GYS1: variants seen among roughly 807,000 people sequenced by gnomAD.
GYS1 encodes glycogen synthase 1.
GYS1 carries 60 observed loss-of-function variants against 89.1 expected under a neutral mutation model. The observed-to-expected ratio is 0.67, with a 90% confidence interval of 0.55 to 0.84. The LOEUF is 0.84. Among genes scored for constraint, GYS1 ranks in the 40% least tolerant of loss-of-function variants. GYS1 has a pLI of 0.00. For missense variants in GYS1, 888 were observed against 1,003.1 expected, an observed-to-expected ratio of 0.89 and a Z score of 1.55; for synonymous variants, 366 against 401.7, an observed-to-expected ratio of 0.91 and a Z score of 1.06.
At position 48,985,512 on chromosome 19, in the gene GYS1, C is replaced by T; in HGVS notation, c.772G>A (p.Val258Met). ...AAHCAHVFTTVSQITAIEAQH... is the reference protein window; with the variant it reads ...AAHCAHVFTTMSQITAIEAQH... ...GCCTCGATGGCGGTGATCTGGGACA[C>T]AGTAGTGAAGACGTGAGCGCAGTGG... The change falls in exon 5 of 16, where the codon GTG (valine) becomes ATG (methionine). Residue 258 changes from valine (V) to methionine (M), a missense_variant. Transcript: ENST00000323798. 6.2e-7 allele frequency: 1 copy of T among 1,614,154 alleles called. No individual in the cohort carries two copies. Among genetic ancestry groups the T allele is most frequent in the Non-Finnish European group, 8.5e-7 (1 of 1,180,042 alleles).
At chr19:48,981,318 C>G in intron 8 of GYS1, 1 of 558,896 alleles carries the variant, frequency 1.8e-6, no homozygotes. Context: ...GAGGCTGAGG[C>G]AGATGACTTG....
At chr19:48,974,002 G>A (rs2038605637) in intron 12 of GYS1, among the ~76,000 whole-genome samples, 1 of 152,170 alleles carries the variant, frequency 6.6e-6, no homozygotes, top group Non-Finnish European at 1.5e-5. Flanking sequence ...GTGACATCCA[G>A]TTCACTAGTC....
chr19:48,971,875 TTC>T (rs1280442515), intron 12 of GYS1, among the ~76,000 whole-genome samples: 1 of 150,508 alleles, frequency 6.6e-6, no homozygotes, highest in Non-Finnish European at 1.5e-5. Context: ...TTTTTTTTTT[TTC>T]TCGAGACAAG....
chr19:48,986,150 A>G (rs781447254), intron 3 of GYS1, 115 bp from the exon 4 acceptor site: 10 of 922,726 alleles, frequency 1.1e-5, no homozygotes, highest in Non-Finnish European at 1.5e-5. Context: ...TACTGCACAG[A>G]GTGGGCAGCG....
rs556212350 is a variant in GYS1, at chr19:48,981,703, C to G, written c.1063-67G>C. The G allele has an allele frequency of 5.1e-6, 5 of 973,208 alleles. No individual in the cohort carries two copies. The South Asian group carries it at 6.5e-5, about 13-fold the overall frequency. 60.3% of individuals were successfully genotyped at this position (973,208 alleles called of 1,614,324 possible). ...GGAAGCCTGGAACCAGCCAGCCTTT[C>G]TGTCAAGACCACTGGGATCCTGCCA... On this transcript the variant is annotated intron_variant, in intron 7 of 15. Coordinates refer to ENST00000323798, the MANE Select transcript of GYS1 (RefSeq NM_002103.5).
chr19:48,974,087 T>C, intron 12 of GYS1, 126 bp downstream of exon 12: 2 of 980,830 alleles, frequency 2.0e-6, no homozygotes. Context: ...GCAGAACAGG[T>C]GATTACCATT....
In GYS1 at chr19:48,969,099, T is replaced by G; in HGVS notation, c.*189A>C. On this transcript the variant is annotated 3_prime_UTR_variant, in exon 16 of 16. Coordinates refer to ENST00000323798, the MANE Select transcript of GYS1 (RefSeq NM_002103.5). ...TCTGGAGCCAGAGAAAGGCACGGCTTTGTGGATTCTGGAGTGCAGGAACTT... is the reference window on the plus strand; with the variant it reads ...TCTGGAGCCAGAGAAAGGCACGGCTGTGTGGATTCTGGAGTGCAGGAACTT... The G allele has an allele frequency of 3.1e-6, 2 of 635,314 alleles. No homozygotes were observed. The highest frequency in any genetic ancestry group is 2.8e-6 in the Non-Finnish European group (1 of 360,346). The allele number at this position is 635,314 out of a possible 1,614,324, so 39.4% of individuals were successfully genotyped here. A position where few individuals can be genotyped will look rare whatever the true frequency, so the allele number is the denominator to read the frequency against.
intron 10 of GYS1, among the ~76,000 whole-genome samples, chr19:48,975,757 C>G (rs1176956672): frequency 6.6e-6 from 1 of 151,664 alleles, no homozygotes; most frequent in African/African-American, 2.4e-5. Flanking sequence ...GAAACCCCGT[C>G]TCTACTAAAA....
At chr19:48,987,486 C>CTTAAG in intron 2 of GYS1, 101 bp from the exon 3 acceptor site, 1 of 863,702 alleles carries the variant, frequency 1.2e-6, no homozygotes, top group East Asian at 2.7e-5. Context: ...TGTCTATAGA[C>CTTAAG]TTAAGCCTCA....
intron 12 of GYS1, among the ~76,000 whole-genome samples, chr19:48,972,682 T>C (rs1418160193): frequency 2.0e-5 from 3 of 152,114 alleles, no homozygotes; most frequent in Non-Finnish European, 4.4e-5. Flanking sequence ...TTTCACCATG[T>C]TGGCCAGGCT....
chr19:48,993,161 G>A lies in GYS1; in HGVS notation c.-49C>T. ...CGGGGATCTCCAGGTAGGGACCCCG[G>A]AGGTGTCTAGGGAATGCACCAGGTA... On this transcript the variant is annotated 5_prime_UTR_variant, in exon 1 of 16. Coordinates refer to ENST00000323798, the MANE Select transcript of GYS1 (RefSeq NM_002103.5). 3 of 1,051,888 alleles carry A rather than the reference G, an allele frequency of 2.9e-6. No individual in the cohort carries two copies. The highest frequency in any genetic ancestry group is 4.5e-6 in the Non-Finnish European group (3 of 668,512). The allele number at this position is 1,051,888 out of a possible 1,614,324, so 65.2% of individuals were successfully genotyped here.
At chr19:48,979,899 G>A (rs1050638146) in intron 8 of GYS1, among the ~76,000 whole-genome samples, 17 of 147,964 alleles carry the variant, frequency 1.1e-4, no homozygotes, top group African/African-American at 3.8e-4. Context: ...CACCCGCCTC[G>A]GCCTCCCAAA....
At chr19:48,974,797 GA>G in intron 10 of GYS1, 64 bp from the exon 11 acceptor site, 5 of 1,148,764 alleles carry the variant, frequency 4.4e-6, no homozygotes, top group Non-Finnish European at 6.6e-6. Context: ...ACTTCCTCAT[GA>G]GCCATGCGGA....
chr19:48,974,489 C>A, intron 11 of GYS1, 131 bp downstream of exon 11: 1 of 1,066,344 alleles, frequency 9.4e-7, no homozygotes. Flanking sequence ...CTGCCTGCCT[C>A]AGAAGCCAGG....
At chr19:48,978,619 C>T (rs2038699388) in intron 8 of GYS1, among the ~76,000 whole-genome samples, 1 of 151,546 alleles carries the variant, frequency 6.6e-6, no homozygotes, top group Non-Finnish European at 1.5e-5. Flanking sequence ...GCAACCTCTG[C>T]CTCTCAGGTT....
At position 48,985,498 on chromosome 19, in the gene GYS1, G is replaced by A. The variant is rs752946661; in HGVS notation, c.786C>T (p.Thr262=). ...AHVFTTVSQI[T]AIEAQHLLKR... is the part of the protein sequence containing the mutation. ...TGAGCAAGTGCTGTGCCTCGATGGC[G>A]GTGATCTGGGACACAGTAGTGAAGA... Residue 262 remains threonine (T), a synonymous_variant, in exon 5 of 16, where the codon ACC becomes ACT. Transcript: ENST00000323798. 1.2e-4 allele frequency: 197 copies of A among 1,613,940 alleles called. 1 individual carries two copies. The highest frequency in any genetic ancestry group is 2.7e-4 in the South Asian group (25 of 91,090).
rs202167827 is a variant in GYS1, at chr19:48,985,600, G to A, written c.684C>T (p.Asn228=). 7.4e-5 allele frequency: 120 copies of A among 1,614,058 alleles called. No individual in the cohort carries two copies. The highest frequency in any genetic ancestry group is 3.6e-4 in the African/African-American group (27 of 75,044). ...VDFYNNLENF[N]VDKEAGERQI... ...GCCTCTCCCCTGCTTCCTTGTCCAC[G>A]TTGAACTGGGTGGGAGGGGACAGCA... Residue 228 remains asparagine (N), a synonymous_variant, in exon 5 of 16, where the codon AAC becomes AAT. Coordinates refer to ENST00000323798, the MANE Select transcript of GYS1 (RefSeq NM_002103.5).
chr19:48,984,405 T>TC (rs1555799437), intron 5 of GYS1, among the ~76,000 whole-genome samples: 3 of 150,924 alleles, frequency 2.0e-5, no homozygotes, highest in Non-Finnish European at 4.4e-5. Context: ...TTTTTTTTTT[T>TC]AATTTTTTGA....
intron 8 of GYS1, among the ~76,000 whole-genome samples, chr19:48,978,796 A>G (rs1463606445): frequency 3.3e-5 from 5 of 152,112 alleles, no homozygotes; most frequent in African/African-American, 7.2e-5. Context: ...CGGCCTCCCA[A>G]AGTGCTGGAA....
Sources: gnomAD v4.1 joint callset for allele counts (sites outside exome capture counted in the v4.1 genomes callset) on GRCh38, gnomAD v4.1.1 for gene constraint, MANE v1.5 for transcripts, NCBI Gene and HGNC (gene_info 2026-07-23, HGNC 2026-07-21) for gene names.